PPP1R12A: variants seen among roughly 807,000 people sequenced by gnomAD.
PPP1R12A encodes the protein myosin binding subunit.
PPP1R12A carries 19 observed loss-of-function variants against 139.6 expected under a neutral mutation model. The ratio of observed to expected loss-of-function variants is 0.14; its 90% CI spans 0.09 to 0.20. The LOEUF (loss-of-function observed/expected upper bound fraction) is 0.20. Ranked by LOEUF, PPP1R12A falls within the 10% of genes least tolerant of loss-of-function variation. The probability of loss-of-function intolerance (pLI) is 1.00; values close to 1 mark genes in which losing one functional copy is unlikely to be tolerated. For synonymous variants in PPP1R12A, 427 were observed against 420.6 expected, an observed-to-expected ratio of 1.02 and a Z score of -0.19; for missense variants, 925 against 1,211.5, an observed-to-expected ratio of 0.76 and a Z score of 3.51.
chr12:79,806,317 T>G lies in PPP1R12A; in HGVS notation c.1672A>C (p.Arg558=). The G allele has an allele frequency of 6.2e-7, 1 of 1,613,684 alleles. No homozygotes were observed. Among genetic ancestry groups the G allele is most frequent in the Non-Finnish European group, 8.5e-7 (1 of 1,179,626 alleles). ...CTAGAACTAATCAAATCATCTTGTC[T>G]TCTACCAAAGGAGCAACTAAACAAA... is the stretch of plus-strand genomic sequence containing the variant. ...TYHKSCSFGR[R]QDDLISSSVP... is the part of the protein sequence containing the mutation. Residue 558 remains arginine (R), a synonymous_variant, in exon 13 of 25, where the codon AGA becomes CGA. Coordinates refer to ENST00000450142, the MANE Select transcript of PPP1R12A (RefSeq NM_002480.3).
chr12:79,807,261 A>AT lies in PPP1R12A; in HGVS notation c.1619dup (p.Asn540LysfsTer2). 15 of 1,550,256 alleles carry AT rather than the reference A, an allele frequency of 9.7e-6. No individual in the cohort carries two copies. The highest frequency in any genetic ancestry group is 1.9e-5 in the Admixed American group (1 of 51,322). On this transcript the variant is annotated frameshift_variant, in exon 12 of 25. Coordinates refer to ENST00000450142, the MANE Select transcript of PPP1R12A (RefSeq NM_002480.3). LOFTEE classifies it high-confidence loss of function. ...ACGTTGATCCTTCATTAACTGAGCT[A>AT]TTTTTTTTAAGATCATCTTCCCATT...
At chr12:79,796,702 G>A in intron 17 of PPP1R12A, 80 bp downstream of exon 17, 1 of 1,187,700 alleles carries the variant, frequency 8.4e-7, no homozygotes, top group Middle Eastern at 2.0e-4. Flanking sequence ...TTCCTTTACT[G>A]TTGAATTATT....
chr12:79,778,357 A>C (rs1477869674), intron 24 of PPP1R12A, 193 bp downstream of exon 24: 2 of 369,220 alleles, frequency 5.4e-6, no homozygotes, highest in Non-Finnish European at 9.6e-6. Context: ...ATAGGTGTTA[A>C]GATTTGGGTT....
chr12:79,872,261 C>T (rs533641457), intron 2 of PPP1R12A, among the ~76,000 whole-genome samples: 1 of 152,060 alleles, frequency 6.6e-6, no homozygotes, highest in South Asian at 2.1e-4. Flanking sequence ...TCTATACTTC[C>T]ACTGTTAAAT....
chr12:79,862,693 C>A (rs1467600143), intron 2 of PPP1R12A, among the ~76,000 whole-genome samples: 1 of 151,936 alleles, frequency 6.6e-6, no homozygotes. Flanking sequence ...ATAGCCAATT[C>A]GATCAGGCAG....
At chr12:79,929,271 C>T (rs186871080) in intron 1 of PPP1R12A, among the ~76,000 whole-genome samples, 1 of 152,330 alleles carries the variant, frequency 6.6e-6, no homozygotes, top group East Asian at 1.9e-4. Flanking sequence ...TCGCTCACCT[C>T]CTGCTGTGTG....
intron 8 of PPP1R12A, chr12:79,819,226 TACTA>T (rs1180804443): frequency 6.6e-6 from 1 of 152,220 alleles, no homozygotes; most frequent in Non-Finnish European, 1.5e-5. Flanking sequence ...TTTAATAGAA[TACTA>T]GAGTTTTAAG....
At chr12:79,792,302 G>A (rs1197392064) in intron 19 of PPP1R12A, among the ~76,000 whole-genome samples, 1 of 152,126 alleles carries the variant, frequency 6.6e-6, no homozygotes, top group Non-Finnish European at 1.5e-5. Context: ...CAAAATGGCT[G>A]CAACAGTTCA....
chr12:79,798,334 C>T (rs1237768434), intron 15 of PPP1R12A, among the ~76,000 whole-genome samples, 160 bp downstream of exon 15: 1 of 152,130 alleles, frequency 6.6e-6, no homozygotes, highest in Non-Finnish European at 1.5e-5. Flanking sequence ...ATAACTACAG[C>T]AACCTTTACC....
chr12:79,803,138 CAT>C (rs1271034587), intron 14 of PPP1R12A, among the ~76,000 whole-genome samples: 1 of 152,110 alleles, frequency 6.6e-6, no homozygotes, highest in South Asian at 2.1e-4. Flanking sequence ...TTTAATTTTC[CAT>C]ATGACATTCA....
At position 79,900,721 on chromosome 12, in the gene PPP1R12A, G is replaced by C. The variant is rs140069987; in HGVS notation, c.238-27783C>G. ...GGTGTATACACAACGAATTTTAAGA[G>C]GAGAAGGCTCCTAAATAGTCACCCC... is the stretch of plus-strand genomic sequence containing the variant. On this transcript the variant is annotated intron_variant, in intron 1 of 24. Coordinates refer to ENST00000450142, the MANE Select transcript of PPP1R12A (RefSeq NM_002480.3). 5.2e-3 allele frequency among the ~76,000 whole-genome samples: 789 copies of C among 152,160 alleles called. 5 individuals are homozygous for C. The highest frequency in any genetic ancestry group is 0.018 in the African/African-American group (749 of 41,506).
At chr12:79,829,682 T>C (rs180787504) in intron 4 of PPP1R12A, among the ~76,000 whole-genome samples, 1 of 152,176 alleles carries the variant, frequency 6.6e-6, no homozygotes. Context: ...CACTGATATA[T>C]ATTATCAGAA....
At chr12:79,796,758 GT>G in intron 17 of PPP1R12A, 23 bp downstream of exon 17, 1 of 1,547,642 alleles carries the variant, frequency 6.5e-7, no homozygotes, top group Non-Finnish European at 8.8e-7. Context: ...AAAGCAAAGT[GT>G]TTTCAAAATT....
At chr12:79,838,914 G>A (rs1253205837) in intron 3 of PPP1R12A, among the ~76,000 whole-genome samples, 1 of 152,166 alleles carries the variant, frequency 6.6e-6, no homozygotes, top group African/African-American at 2.4e-5. Context: ...ACTGCCTAGC[G>A]CAGCCATGAG....
intron 2 of PPP1R12A, among the ~76,000 whole-genome samples, chr12:79,845,737 G>A (rs1879301992): frequency 6.6e-6 from 1 of 152,090 alleles, no homozygotes; most frequent in South Asian, 2.1e-4. Flanking sequence ...TCAGGAGGCT[G>A]AGGCAGGAGA....
At chr12:79,925,907 ATTTCT>A (rs917835316) in intron 1 of PPP1R12A, among the ~76,000 whole-genome samples, 3 of 152,072 alleles carry the variant, frequency 2.0e-5, no homozygotes, top group Admixed American at 6.6e-5. Flanking sequence ...CATGCTAGAG[ATTTCT>A]TTTCTTTTTC....
chr12:79,892,121 G>A (rs1333015990), intron 1 of PPP1R12A, among the ~76,000 whole-genome samples: 1 of 152,136 alleles, frequency 6.6e-6, no homozygotes, highest in East Asian at 1.9e-4. Flanking sequence ...AGTCTTCACT[G>A]CTTAAGCTTA....
At chr12:79,815,928 C>T (rs780071208) in intron 9 of PPP1R12A, among the ~76,000 whole-genome samples, 9 of 152,098 alleles carry the variant, frequency 5.9e-5, no homozygotes, top group Non-Finnish European at 8.8e-5. Context: ...TAATAATTTA[C>T]ATTACTGCCT....
chr12:79,831,086 C>T (rs1215503816), intron 4 of PPP1R12A, among the ~76,000 whole-genome samples: 1 of 151,916 alleles, frequency 6.6e-6, no homozygotes, highest in Non-Finnish European at 1.5e-5. Context: ...TACATATTTA[C>T]AGAAACAAGT....
Sources: gnomAD v4.1 joint callset for allele counts (sites outside exome capture counted in the v4.1 genomes callset) on GRCh38, gnomAD v4.1.1 for gene constraint, MANE v1.5 for transcripts, NCBI Gene and HGNC (gene_info 2026-07-23, HGNC 2026-07-21) for gene names.